The following SMG6 variants were observed in gnomAD, a reference collection of about 807,000 sequenced individuals.
The protein encoded by SMG6 is telomerase-binding protein EST1A.
SMG6 carries 66 observed loss-of-function variants against 142.2 expected under a neutral mutation model. That is an observed-to-expected ratio of 0.46 (90% CI 0.38 to 0.57). The LOEUF (loss-of-function observed/expected upper bound fraction) is 0.57, where lower values mean the gene tolerates loss of function less well. Ranked by LOEUF, SMG6 falls within the 20% of genes least tolerant of loss-of-function variation. The pLI is 0.00. For synonymous variants in SMG6, 779 were observed against 702.4 expected (o/e 1.11, Z -1.72); for missense variants, 1,793 against 1,832.0 (o/e 0.98, Z 0.39).
intron 10 of SMG6, chr17:2,213,762 C>G (rs958239256): frequency 6.6e-6 from 1 of 152,210 alleles, no homozygotes; most frequent in Non-Finnish European, 1.5e-5. Flanking sequence ...TGCATCCTCC[C>G]AGCAACAAAG....
intron 8 of SMG6, among the ~76,000 whole-genome samples, chr17:2,262,600 T>C (rs533526143): frequency 6.6e-6 from 1 of 152,328 alleles, no homozygotes; most frequent in East Asian, 1.9e-4. Context: ...CTTCTTTGAC[T>C]TGCAAAATTA....
chr17:2,275,949 T>C (rs922377747), intron 8 of SMG6, among the ~76,000 whole-genome samples: 2 of 152,186 alleles, frequency 1.3e-5, no homozygotes, highest in African/African-American at 4.8e-5. Context: ...AAGCAAATGC[T>C]TGGCAGAGAA....
intron 16 of SMG6, chr17:2,066,020 G>C (rs1228299453): frequency 5.9e-6 from 2 of 338,346 alleles, no homozygotes; most frequent in East Asian, 6.6e-5. Context: ...GGTCCCTCAG[G>C]AGAGTCCAGG....
At chr17:2,129,840 A>T (rs1459333295) in intron 13 of SMG6, among the ~76,000 whole-genome samples, 1 of 150,636 alleles carries the variant, frequency 6.6e-6, no homozygotes, top group Non-Finnish European at 1.5e-5. Flanking sequence ...TGACAAATAG[A>T]TTTAATAATG....
chr17:2,272,929 CAA>C (rs1264305762), intron 8 of SMG6, among the ~76,000 whole-genome samples: 10 of 134,972 alleles, frequency 7.4e-5, no homozygotes, highest in East Asian at 4.3e-4. Context: ...AACTCTGTCT[CAA>C]AAAAAAAAAA....
At chr17:2,138,761 A>G (rs764492615) in intron 13 of SMG6, among the ~76,000 whole-genome samples, 2 of 152,214 alleles carry the variant, frequency 1.3e-5, no homozygotes, top group Non-Finnish European at 2.9e-5. Flanking sequence ...CCACAGTCAC[A>G]TATTTTTAAA....
intron 10 of SMG6, among the ~76,000 whole-genome samples, chr17:2,203,289 C>A (rs2072586369): frequency 6.6e-6 from 1 of 152,170 alleles, no homozygotes; most frequent in South Asian, 2.1e-4. Context: ...TTATTCAATA[C>A]ACATCCCCTC....
intron 13 of SMG6, among the ~76,000 whole-genome samples, chr17:2,106,470 C>T (rs2069158452): frequency 6.6e-6 from 1 of 152,106 alleles, no homozygotes. Flanking sequence ...TCCTCGGTGA[C>T]CTCAGAGGAG....
At chr17:2,195,888 ACGCCCGT>A (rs2072309055) in intron 10 of SMG6, among the ~76,000 whole-genome samples, 2 of 151,908 alleles carry the variant, frequency 1.3e-5, no homozygotes, top group African/African-American at 4.8e-5. Context: ...TGATTTTCAC[ACGCCCGT>A]GACTCAAGTG....
At chr17:2,288,112 G>A (rs554238317) in intron 6 of SMG6, among the ~76,000 whole-genome samples, 18 of 151,474 alleles carry the variant, frequency 1.2e-4, no homozygotes, top group African/African-American at 4.1e-4. Flanking sequence ...TCTGGAGTTC[G>A]AGACCAGCCT....
chr17:2,131,642 G>C (rs2070125811), intron 13 of SMG6, among the ~76,000 whole-genome samples: 2 of 152,072 alleles, frequency 1.3e-5, no homozygotes, highest in Non-Finnish European at 2.9e-5. Context: ...AAAGGAAATG[G>C]CTGATTTGTC....
At chr17:2,177,393 GGAGA>G (rs1177636652) in intron 12 of SMG6, among the ~76,000 whole-genome samples, 1 of 135,116 alleles carries the variant, frequency 7.4e-6, no homozygotes, top group Non-Finnish European at 1.7e-5. Context: ...ACTGAGAGGA[GGAGA>G]GAGTCTGAAA....
intron 18 of SMG6, among the ~76,000 whole-genome samples, chr17:2,064,677 T>TGG (rs542908442): frequency 6.6e-6 from 1 of 151,910 alleles, no homozygotes. Flanking sequence ...CAGGGACCCC[T>TGG]GGGGGGCTGC....
intron 12 of SMG6, among the ~76,000 whole-genome samples, chr17:2,174,846 T>C (rs900001600): frequency 1.3e-5 from 2 of 152,160 alleles, no homozygotes; most frequent in South Asian, 2.1e-4. Flanking sequence ...TGTGATGTAA[T>C]GGGAAACGCG....
At chr17:2,166,246 G>C (rs1220693306) in intron 13 of SMG6, among the ~76,000 whole-genome samples, 1 of 151,960 alleles carries the variant, frequency 6.6e-6, no homozygotes, top group East Asian at 1.9e-4. Context: ...AACTACTGTA[G>C]ACAAAGAAGG....
At chr17:2,165,028 A>G (rs901978704) in intron 13 of SMG6, among the ~76,000 whole-genome samples, 1 of 152,214 alleles carries the variant, frequency 6.6e-6, no homozygotes, top group Non-Finnish European at 1.5e-5. Flanking sequence ...TGAAGACATA[A>G]ACCTCTTTGG....
At chr17:2,204,473 G>C (rs1377413762) in intron 10 of SMG6, among the ~76,000 whole-genome samples, 1 of 152,180 alleles carries the variant, frequency 6.6e-6, no homozygotes, top group Non-Finnish European at 1.5e-5. Flanking sequence ...AACTGCGAAC[G>C]TAATGACTTC....
intron 10 of SMG6, among the ~76,000 whole-genome samples, chr17:2,228,948 CT>C (rs2073392668): frequency 6.6e-6 from 1 of 152,048 alleles, no homozygotes; most frequent in Non-Finnish European, 1.5e-5. Flanking sequence ...ACATATCTAC[CT>C]TCCCCCCAGG....
At chr17:2,084,286 T>C (rs1597359239) in intron 14 of SMG6, among the ~76,000 whole-genome samples, 1 of 152,254 alleles carries the variant, frequency 6.6e-6, no homozygotes, top group East Asian at 1.9e-4. Flanking sequence ...GGCACTGCTC[T>C]GCCCTGCCTG....
Sources: allele counts gnomAD v4.1 joint callset (sites outside exome capture counted in the v4.1 genomes callset), GRCh38; gene constraint gnomAD v4.1.1; transcripts MANE v1.5; gene names NCBI Gene and HGNC (gene_info 2026-07-23, HGNC 2026-07-21).